CALN1: variants seen among roughly 807,000 people sequenced by gnomAD.
CALN1 encodes calcium-binding protein 8.
A neutral mutation model predicts 30.6 loss-of-function variants in CALN1; 17 were observed. The ratio of observed to expected loss-of-function variants is 0.56; its 90% CI spans 0.38 to 0.83. The LOEUF (loss-of-function observed/expected upper bound fraction) is 0.83. Ranked by LOEUF, CALN1 falls within the 40% of genes least tolerant of loss-of-function variation. The pLI is 0.00. For synonymous variants in CALN1, 156 were observed against 131.4 expected, an observed-to-expected ratio of 1.19 and a Z score of -1.28; for missense variants, 291 against 354.9, an observed-to-expected ratio of 0.82 and a Z score of 1.45.
At chr7:72,202,429 G>C (rs1238937166) in intron 3 of CALN1, among the ~76,000 whole-genome samples, 2 of 152,116 alleles carry the variant, frequency 1.3e-5, no homozygotes, top group African/African-American at 2.4e-5. Flanking sequence ...TTGACCTTTA[G>C]AAAAATCATG....
chr7:71,845,232 A>G (rs1189642727), intron 5 of CALN1, among the ~76,000 whole-genome samples: 2 of 152,170 alleles, frequency 1.3e-5, no homozygotes, highest in African/African-American at 4.8e-5. Context: ...ATCTTGATAA[A>G]ACAAGCTAAG....
the CALN1 span, among the ~76,000 whole-genome samples, chr7:72,490,244 C>T: frequency 3.9e-5 from 6 of 151,938 alleles, no homozygotes; most frequent in African/African-American, 7.3e-5. Flanking sequence ...AGTAGAAGAC[C>T]TTTAGAAAAT....
At chr7:71,815,324 G>C (rs1015668192) in intron 5 of CALN1, among the ~76,000 whole-genome samples, 1 of 152,086 alleles carries the variant, frequency 6.6e-6, no homozygotes, top group African/African-American at 2.4e-5. Context: ...ATATCTCCTT[G>C]CCTGTTGATG....
chr7:71,914,230 G>A (rs967973521), intron 5 of CALN1, among the ~76,000 whole-genome samples: 1 of 152,098 alleles, frequency 6.6e-6, no homozygotes, highest in South Asian at 2.1e-4. Context: ...AAAGGCCCCA[G>A]TGTGTATTGT....
At chr7:72,209,745 CTCTATAGACTTG>C (rs1288371373) in intron 3 of CALN1, among the ~76,000 whole-genome samples, 2 of 152,124 alleles carry the variant, frequency 1.3e-5, no homozygotes, top group Non-Finnish European at 2.9e-5. Context: ...TACCAGCTGT[CTCTATAGACTTG>C]TCTATTCGGG....
chr7:72,133,431 C>T (rs1370732084), intron 3 of CALN1, among the ~76,000 whole-genome samples: 2 of 152,142 alleles, frequency 1.3e-5, no homozygotes, highest in African/African-American at 4.8e-5. Flanking sequence ...AGACAAGGCT[C>T]TTACTTACAG....
At chr7:72,305,958 G>C (rs943604283) in intron 2 of CALN1, among the ~76,000 whole-genome samples, 1 of 152,086 alleles carries the variant, frequency 6.6e-6, no homozygotes, top group Non-Finnish European at 1.5e-5. Flanking sequence ...ATTCCATTAT[G>C]AGGGACCCAC....
chr7:71,904,807 C>T (rs1794042587), intron 5 of CALN1, among the ~76,000 whole-genome samples: 1 of 152,270 alleles, frequency 6.6e-6, no homozygotes, highest in South Asian at 2.1e-4. Context: ...ATGGTAAATA[C>T]ATACAATGTT....
chr7:71,975,890 T>A (rs1304724224), intron 5 of CALN1, among the ~76,000 whole-genome samples: 1 of 150,062 alleles, frequency 6.7e-6, no homozygotes, highest in East Asian at 2.0e-4. Context: ...TTAGGTTAGG[T>A]TGGTGCCAAA....
chr7:72,198,046 G>A (rs1344130557), intron 3 of CALN1, among the ~76,000 whole-genome samples: 1 of 151,958 alleles, frequency 6.6e-6, no homozygotes, highest in African/African-American at 2.4e-5. Flanking sequence ...AGTGCCTAGC[G>A]CTCCCTGATA....
chr7:72,198,877 G>A (rs1223878587), intron 3 of CALN1, among the ~76,000 whole-genome samples: 2 of 152,186 alleles, frequency 1.3e-5, no homozygotes, highest in Non-Finnish European at 2.9e-5. Flanking sequence ...CACTGAGGAG[G>A]TCATCAAGCT....
At chr7:72,382,450 T>C (rs1193573437) in intron 2 of CALN1, among the ~76,000 whole-genome samples, 1 of 152,238 alleles carries the variant, frequency 6.6e-6, no homozygotes, top group African/African-American at 2.4e-5. Flanking sequence ...GTGACTGTTA[T>C]TAGAATTGCA....
At chr7:72,308,787 A>G (rs1585433867) in intron 2 of CALN1, among the ~76,000 whole-genome samples, 1 of 152,116 alleles carries the variant, frequency 6.6e-6, no homozygotes. Flanking sequence ...CGGTGGGGGC[A>G]GAACAATAAA....
chr7:72,221,396 C>T (rs1471540447), intron 3 of CALN1, among the ~76,000 whole-genome samples: 1 of 144,470 alleles, frequency 6.9e-6, no homozygotes, highest in Non-Finnish European at 1.5e-5. Flanking sequence ...TGGCTCACTG[C>T]AAGCTCCGCC....
intron 5 of CALN1, among the ~76,000 whole-genome samples, chr7:71,981,695 AGGGTTCAGTTTGGG>A (rs1204019446): frequency 6.6e-6 from 1 of 151,492 alleles, no homozygotes; most frequent in Non-Finnish European, 1.5e-5. Context: ...ACAAGAGGAC[AGGGTTCAGTTTGGG>A]GAGCTTCTGG....
intron 3 of CALN1, among the ~76,000 whole-genome samples, chr7:72,122,002 G>C (rs1808431525): frequency 1.3e-5 from 2 of 151,380 alleles, no homozygotes. Context: ...AGCAGCAGGA[G>C]AGAAGCCTGG....
intron 2 of CALN1, among the ~76,000 whole-genome samples, chr7:72,320,133 C>A (rs1800771938): frequency 6.6e-6 from 1 of 151,934 alleles, no homozygotes; most frequent in Admixed American, 6.6e-5. Context: ...GACTCCATCT[C>A]ATAAAAAAAC....
chr7:71,848,012 C>G (rs1370213676), intron 5 of CALN1, among the ~76,000 whole-genome samples: 5 of 152,158 alleles, frequency 3.3e-5, no homozygotes, highest in Non-Finnish European at 5.9e-5. Flanking sequence ...ATTACCCAGT[C>G]TCATCCAAAA....
At chr7:72,299,903 G>A (rs1799139190) in intron 2 of CALN1, among the ~76,000 whole-genome samples, 1 of 151,686 alleles carries the variant, frequency 6.6e-6, no homozygotes, top group African/African-American at 2.4e-5. Context: ...TTTTTTGTTT[G>A]TTGTTTTTTT....
Sources: gnomAD v4.1 joint callset for allele counts (sites outside exome capture counted in the v4.1 genomes callset) on GRCh38, gnomAD v4.1.1 for gene constraint, MANE v1.5 for transcripts, NCBI Gene and HGNC (gene_info 2026-07-23, HGNC 2026-07-21) for gene names.